ATP9B: variants seen among roughly 807,000 people sequenced by gnomAD.
The protein encoded by ATP9B is ATPase phospholipid transporting 9B.
A neutral mutation model predicts 146.1 loss-of-function variants in ATP9B; 110 were observed. That is an observed-to-expected ratio of 0.75 (90% CI 0.65 to 0.88). The LOEUF (loss-of-function observed/expected upper bound fraction) is 0.88, where lower values mean the gene tolerates loss of function less well. Ranked by LOEUF, ATP9B falls within the 40% of genes least tolerant of loss-of-function variation. The pLI is 0.00. For synonymous variants in ATP9B, 604 were observed against 569.7 expected (o/e 1.06, Z -0.86); for missense variants, 1,499 against 1,496.4 (o/e 1.00, Z -0.03).
chr18:79,303,637 G>A lies in ATP9B; in HGVS notation c.1445G>A (p.Arg482Gln), dbSNP rs775197791. Residue 482 changes from arginine (R) to glutamine (Q), a missense_variant, in exon 14 of 30, where the codon CGG becomes CAG. Coordinates refer to ENST00000426216, the MANE Select transcript of ATP9B (RefSeq NM_198531.5). Reference sequence around the variant, plus strand: ...ACCCAGAATGAAATGATATTTAAGCGGCTGCACCTGGGCACCGTGTCCTAT... The same window carrying A: ...ACCCAGAATGAAATGATATTTAAGCAGCTGCACCTGGGCACCGTGTCCTAT... The part of the protein sequence containing the change: ...TLTQNEMIFK[R>Q]LHLGTVSYGA... The A allele has an allele frequency of 3.1e-5, 50 of 1,613,798 alleles. No homozygotes were observed. Among genetic ancestry groups the A allele is most frequent in the Non-Finnish European group, 3.8e-5 (45 of 1,179,940 alleles).
At chr18:79,321,446 G>A (rs1345154578) in intron 15 of ATP9B, among the ~76,000 whole-genome samples, 2 of 150,498 alleles carry the variant, frequency 1.3e-5, no homozygotes, top group Non-Finnish European at 2.9e-5. Context: ...GCGGTGGCAC[G>A]ATCTCAGCTC....
At chr18:79,266,052 G>A (rs1021542126) in intron 12 of ATP9B, among the ~76,000 whole-genome samples, 1 of 152,102 alleles carries the variant, frequency 6.6e-6, no homozygotes, top group Non-Finnish European at 1.5e-5. Context: ...GGTTGTAAGT[G>A]TGCAGTCTTA....
At chr18:79,166,885 A>G (rs2094974548) in intron 7 of ATP9B, among the ~76,000 whole-genome samples, 1 of 152,074 alleles carries the variant, frequency 6.6e-6, no homozygotes, top group Admixed American at 6.5e-5. Context: ...AGCCCAGAAC[A>G]GAGTGGCAAG....
rs541575505 is a variant in ATP9B, at chr18:79,080,774, T to G, written c.119+11245T>G. Among the ~76,000 whole-genome samples the G allele has an allele frequency of 4.0e-5, 6 of 151,734 alleles. No homozygotes were observed. In the East Asian group the frequency reaches 1.2e-3, roughly 29 times the overall value. ...CTGTGGGTTTGTCATAAATAGCTCT[T>G]ATTATTTTGAGATACATTCCATCAA... On this transcript the variant is annotated intron_variant, in intron 1 of 29. Transcript: ENST00000426216.
intron 1 of ATP9B, among the ~76,000 whole-genome samples, chr18:79,091,809 A>C (rs576467921): frequency 7.9e-5 from 12 of 152,272 alleles, no homozygotes; most frequent in South Asian, 4.1e-4. Context: ...TTCCAGTACT[A>C]TGTCGAGTAA....
At chr18:79,235,160 A>G (rs2095829577) in intron 11 of ATP9B, among the ~76,000 whole-genome samples, 1 of 152,232 alleles carries the variant, frequency 6.6e-6, no homozygotes, top group Admixed American at 6.5e-5. Flanking sequence ...TACAGGTGTG[A>G]GCCACTGTGC....
chr18:79,345,864 A>G (rs201062289), intron 23 of ATP9B, 25 bp downstream of exon 23: 37 of 1,613,160 alleles, frequency 2.3e-5, no homozygotes, highest in Middle Eastern at 1.7e-4. Flanking sequence ...TTATCAACAC[A>G]TTAGCACACA....
At chr18:79,313,688 C>T (rs1414942519) in intron 15 of ATP9B, among the ~76,000 whole-genome samples, 1 of 152,092 alleles carries the variant, frequency 6.6e-6, no homozygotes, top group Non-Finnish European at 1.5e-5. Flanking sequence ...TGGGAATTCA[C>T]AATAGAGATT....
intron 12 of ATP9B, chr18:79,253,765 A>G (rs2096053551): frequency 2.4e-6 from 1 of 421,354 alleles, no homozygotes; most frequent in Non-Finnish European, 4.1e-6. Context: ...CTGATAGTGA[A>G]TGTGTTGATG....
At chr18:79,124,433 C>G (rs185924121) in intron 4 of ATP9B, among the ~76,000 whole-genome samples, 1 of 152,380 alleles carries the variant, frequency 6.6e-6, no homozygotes, top group Admixed American at 6.5e-5. Context: ...CTGGTGTCTT[C>G]AGTGGAAACC....
chr18:79,143,695 G>T (rs984279268), intron 5 of ATP9B, 107 bp from the exon 6 acceptor site: 30 of 666,630 alleles, frequency 4.5e-5, no homozygotes, highest in Non-Finnish European at 6.4e-5. Flanking sequence ...AATTTCTAAA[G>T]TTTTTTTTTC....
chr18:79,199,910 G>A (rs982935198), intron 9 of ATP9B, among the ~76,000 whole-genome samples: 5 of 152,284 alleles, frequency 3.3e-5, no homozygotes, highest in Non-Finnish European at 7.4e-5. Flanking sequence ...TTTGTCCCAG[G>A]ATAACAATGT....
At chr18:79,364,915 A>G (rs2097017219) in intron 26 of ATP9B, among the ~76,000 whole-genome samples, 1 of 152,064 alleles carries the variant, frequency 6.6e-6, no homozygotes, top group African/African-American at 2.4e-5. Flanking sequence ...CTGTAGTCCC[A>G]GCTGCTCAGG....
chr18:79,086,783 G>T (rs2073879246), intron 1 of ATP9B, among the ~76,000 whole-genome samples: 1 of 152,112 alleles, frequency 6.6e-6, no homozygotes, highest in African/African-American at 2.4e-5. Flanking sequence ...TAGCTCCAAG[G>T]TTATTGTATA....
chr18:79,312,501 A>G (rs1206100364), intron 15 of ATP9B, among the ~76,000 whole-genome samples: 1 of 151,662 alleles, frequency 6.6e-6, no homozygotes, highest in Non-Finnish European at 1.5e-5. Context: ...GGCACGCGGG[A>G]CTCCCATGTG....
At chr18:79,218,853 A>G (rs2095652953) in intron 11 of ATP9B, among the ~76,000 whole-genome samples, 1 of 152,254 alleles carries the variant, frequency 6.6e-6, no homozygotes, top group Non-Finnish European at 1.5e-5. Context: ...TCAAGGAGTC[A>G]GGGAGTTGCA....
chr18:79,139,936 A>T (rs910702822), intron 5 of ATP9B, among the ~76,000 whole-genome samples: 1 of 152,250 alleles, frequency 6.6e-6, no homozygotes, highest in East Asian at 1.9e-4. Context: ...ACATGTCATA[A>T]AAGTATATTT....
chr18:79,156,751 G>T (rs139338229), intron 7 of ATP9B, among the ~76,000 whole-genome samples: 1 of 152,274 alleles, frequency 6.6e-6, no homozygotes, highest in Non-Finnish European at 1.5e-5. Context: ...AGTATAATGT[G>T]ATCTTTTTTC....
rs142654821 is a variant in ATP9B at position 79,344,269 on chromosome 18, C to A, written c.2387C>A (p.Thr796Asn). ...TCTTTTTCTCCCTTAATGGAGGTAA[C>A]CAGTCGGGGAGAGGCACATTTGGAG... ...TQDIHIFRQV[T>N]SRGEAHLELN... The change falls in exon 21 of 30, where the codon ACC becomes AAC. Residue 796 changes from threonine to asparagine, a missense_variant. Thr to Asn is a moderately conservative substitution (Grantham distance 65). Transcript: ENST00000426216. 3.7e-4 allele frequency: 600 copies of A among 1,613,990 alleles called. 1 individual carries two copies. Among genetic ancestry groups the A allele is most frequent in the Non-Finnish European group, 4.9e-4 (581 of 1,179,964 alleles).
Sources: gnomAD v4.1 joint callset for allele counts (sites outside exome capture counted in the v4.1 genomes callset) on GRCh38, gnomAD v4.1.1 for gene constraint, MANE v1.5 for transcripts, NCBI Gene and HGNC (gene_info 2026-07-23, HGNC 2026-07-21) for gene names.